CADM2: variants seen among roughly 807,000 people sequenced by gnomAD.
CADM2 encodes immunoglobulin superfamily member 4D.
CADM2 carries 12 observed loss-of-function variants against 49.8 expected under a neutral mutation model. That is an observed-to-expected ratio of 0.24 (90% CI 0.15 to 0.39). The LOEUF (loss-of-function observed/expected upper bound fraction) is 0.39, where lower values mean the gene tolerates loss of function less well. CADM2 is among the 10% of genes least tolerant of loss of function. CADM2 has a pLI of 1.00. For synonymous variants in CADM2, 214 were observed against 175.4 expected (o/e 1.22, Z -1.74); for missense variants, 378 against 492.3 (o/e 0.77, Z 2.20).
In CADM2 at chr3:85,386,650, T is replaced by C. The variant is rs188611620; in HGVS notation, c.62-339872T>C. On this transcript the variant is annotated intron_variant, in intron 1 of 9. Transcript: ENST00000383699. ...TGTTGTGGGTTAGTTTTTGTATTTGTTGACTAGAGACTGAAATACTTACCA... is the reference window on the plus strand; with the variant it reads ...TGTTGTGGGTTAGTTTTTGTATTTGCTGACTAGAGACTGAAATACTTACCA... 2.9e-3 allele frequency among the ~76,000 whole-genome samples: 445 copies of C among 152,316 alleles called. 2 individuals carry two copies. Among genetic ancestry groups the C allele is most frequent in the Middle Eastern group, 3.4e-3 (1 of 294 alleles).
At chr3:85,310,054 T>G (rs970334774) in intron 1 of CADM2, among the ~76,000 whole-genome samples, 1 of 152,358 alleles carries the variant, frequency 6.6e-6, no homozygotes, top group African/African-American at 2.4e-5. Flanking sequence ...TCTTTTGTTT[T>G]AAAGTACTTT....
At chr3:85,622,156 T>A (rs376733326) in intron 1 of CADM2, among the ~76,000 whole-genome samples, 2 of 152,186 alleles carry the variant, frequency 1.3e-5, no homozygotes, top group Non-Finnish European at 2.9e-5. Flanking sequence ...TACAGATAGA[T>A]GCCTTCACCA....
Position 85,883,464 on chromosome 3 carries a change from C to A in CADM2, c.391+21C>A, listed in dbSNP as rs770737442. 4.4e-6 allele frequency: 7 copies of A among 1,580,000 alleles called. No individual in the cohort carries two copies. The Admixed American group carries it at 7.1e-5, about 16-fold the overall frequency. On this transcript the variant is annotated intron_variant, in intron 4 of 9. Transcript: ENST00000383699. ...TCTGGGTAAGTGCAAGGGACTAACA[C>A]CATGTAATCACAAAACCAGAATGAT... is the stretch of plus-strand genomic sequence containing the variant.
chr3:85,618,273 A>C (rs899408874), intron 1 of CADM2, among the ~76,000 whole-genome samples: 4 of 152,060 alleles, frequency 2.6e-5, no homozygotes, highest in Non-Finnish European at 4.4e-5. Flanking sequence ...TTTTTCCCCA[A>C]TAAAAGATAT....
chr3:85,151,953 A>G (rs1170368049), intron 1 of CADM2, among the ~76,000 whole-genome samples: 1 of 152,214 alleles, frequency 6.6e-6, no homozygotes, highest in Non-Finnish European at 1.5e-5. Context: ...TAGATCATTG[A>G]ATATCACAAA....
chr3:85,715,876 G>C (rs1395635403), intron 1 of CADM2, among the ~76,000 whole-genome samples: 1 of 152,170 alleles, frequency 6.6e-6, no homozygotes, highest in Non-Finnish European at 1.5e-5. Flanking sequence ...TGGTGTATAT[G>C]TGCCACAATT....
chr3:85,867,556 A>G (rs1336442522), intron 3 of CADM2, among the ~76,000 whole-genome samples: 4 of 152,110 alleles, frequency 2.6e-5, no homozygotes, highest in Non-Finnish European at 4.4e-5. Context: ...AACAATAAAT[A>G]TTTTAAAAAG....
chr3:85,650,060 T>C (rs1354940414), intron 1 of CADM2, among the ~76,000 whole-genome samples: 1 of 152,176 alleles, frequency 6.6e-6, no homozygotes, highest in African/African-American at 2.4e-5. Flanking sequence ...CATATTCTGC[T>C]CTTTAAGGTG....
intron 1 of CADM2, among the ~76,000 whole-genome samples, chr3:85,400,856 C>T (rs865986612): frequency 6.6e-6 from 1 of 152,250 alleles, no homozygotes; most frequent in African/African-American, 2.4e-5. Context: ...GCTTCTTCAG[C>T]ACTTCTCTTT....
chr3:84,972,945 T>G (rs911690163), intron 1 of CADM2, among the ~76,000 whole-genome samples: 4 of 152,192 alleles, frequency 2.6e-5, no homozygotes, highest in African/African-American at 9.7e-5. Context: ...ATCAGAGTCT[T>G]GCTCTGTCGC....
chr3:85,025,448 A>G (rs1031987107), intron 1 of CADM2, among the ~76,000 whole-genome samples: 2 of 152,224 alleles, frequency 1.3e-5, no homozygotes, highest in East Asian at 1.9e-4. Flanking sequence ...TCTTTCTTCC[A>G]TGAGTAAACT....
At chr3:85,986,334 T>C (rs1728106059) in intron 8 of CADM2, among the ~76,000 whole-genome samples, 2 of 152,098 alleles carry the variant, frequency 1.3e-5, no homozygotes, top group Non-Finnish European at 1.5e-5. Flanking sequence ...TTAATCACCA[T>C]AAATGTACTC....
intron 1 of CADM2, among the ~76,000 whole-genome samples, chr3:85,359,712 G>A (rs1576415354): frequency 7.9e-6 from 1 of 126,878 alleles, no homozygotes; most frequent in Non-Finnish European, 1.6e-5. Flanking sequence ...AGGGAGGCTA[G>A]GATTCTCAAC....
chr3:85,088,309 A>G (rs1279323627), intron 1 of CADM2, among the ~76,000 whole-genome samples: 1 of 152,144 alleles, frequency 6.6e-6, no homozygotes, highest in African/African-American at 2.4e-5. Context: ...GAAACCTTTT[A>G]TAGTACAATC....
At chr3:85,455,407 C>T (rs1168799934) in intron 1 of CADM2, among the ~76,000 whole-genome samples, 1 of 152,146 alleles carries the variant, frequency 6.6e-6, no homozygotes, top group Admixed American at 6.5e-5. Context: ...AAACAATATT[C>T]TGTTACATCC....
chr3:85,682,742 A>G (rs2066074757), intron 1 of CADM2, among the ~76,000 whole-genome samples: 2 of 152,094 alleles, frequency 1.3e-5, no homozygotes, highest in African/African-American at 4.8e-5. Context: ...AAAGAGACAA[A>G]TTAACATTCT....
chr3:86,048,256 G>A (rs564019360), intron 8 of CADM2, among the ~76,000 whole-genome samples: 13 of 151,902 alleles, frequency 8.6e-5, no homozygotes, highest in Non-Finnish European at 1.3e-4. Flanking sequence ...ATGTATATAC[G>A]TGTGTATATA....
chr3:85,344,417 A>AAATT (rs1239775141), intron 1 of CADM2, among the ~76,000 whole-genome samples: 2 of 147,586 alleles, frequency 1.4e-5, no homozygotes. Flanking sequence ...ATAAATAAAT[A>AAATT]AATAATAATT....
At chr3:85,504,529 C>T (rs2040240983) in intron 1 of CADM2, among the ~76,000 whole-genome samples, 1 of 152,166 alleles carries the variant, frequency 6.6e-6, no homozygotes, top group Non-Finnish European at 1.5e-5. Context: ...TTTGACAGGG[C>T]GCTGATTGGT....
Sources: allele counts gnomAD v4.1 joint callset (sites outside exome capture counted in the v4.1 genomes callset), GRCh38; gene constraint gnomAD v4.1.1; transcripts MANE v1.5; gene names NCBI Gene and HGNC (gene_info 2026-07-23, HGNC 2026-07-21).